Variants in EPHA5 observed in about 807,000 individuals in gnomAD.
EPHA5 encodes the protein EPH receptor A5.
EPHA5 carries 60 observed loss-of-function variants against 105.0 expected under a neutral mutation model. That is an observed-to-expected ratio of 0.57 (90% CI 0.46 to 0.71). The LOEUF (loss-of-function observed/expected upper bound fraction) is 0.71, where lower values mean the gene tolerates loss of function less well. EPHA5 is among the 30% of genes least tolerant of loss of function. The pLI is 0.00. For missense variants in EPHA5, 1,218 were observed against 1,274.7 expected, an observed-to-expected ratio of 0.96 and a Z score of 0.68; for synonymous variants, 513 against 449.1, an observed-to-expected ratio of 1.14 and a Z score of -1.80.
chr4:65,576,974 T>C (rs1416155009), intron 3 of EPHA5, among the ~76,000 whole-genome samples: 8 of 152,206 alleles, frequency 5.3e-5, no homozygotes, highest in African/African-American at 1.9e-4. Context: ...AGAGGAATTT[T>C]ACACTCTATA....
At chr4:65,573,810 A>C in intron 3 of EPHA5, 1 of 1,613,820 alleles carries the variant, frequency 6.2e-7, no homozygotes, top group Non-Finnish European at 8.5e-7. Context: ...ATATTATCCT[A>C]CTGAAGATGT....
chr4:65,438,020 T>C (rs1169241728), intron 5 of EPHA5, among the ~76,000 whole-genome samples: 3 of 151,974 alleles, frequency 2.0e-5, no homozygotes. Flanking sequence ...AAAACAGTAT[T>C]TATCTGCTTA....
chr4:65,636,373 G>C (rs533261912), intron 2 of EPHA5, among the ~76,000 whole-genome samples: 1 of 152,078 alleles, frequency 6.6e-6, no homozygotes, highest in Non-Finnish European at 1.5e-5. Flanking sequence ...GCCAGAACCT[G>C]GTCGTTACTC....
intron 8 of EPHA5, among the ~76,000 whole-genome samples, chr4:65,394,915 C>G (rs1721069788): frequency 6.6e-6 from 1 of 152,042 alleles, no homozygotes; most frequent in Admixed American, 6.6e-5. Flanking sequence ...TTAGCACCTA[C>G]CCTTCATGAA....
intron 8 of EPHA5, among the ~76,000 whole-genome samples, chr4:65,398,143 C>G (rs890142685): frequency 6.6e-6 from 1 of 152,198 alleles, no homozygotes; most frequent in South Asian, 2.1e-4. Context: ...TGAGAAGCCC[C>G]CTGCCCCTGT....
At chr4:65,569,747 G>T (rs1260955748) in intron 3 of EPHA5, among the ~76,000 whole-genome samples, 1 of 151,520 alleles carries the variant, frequency 6.6e-6, no homozygotes, top group East Asian at 1.9e-4. Context: ...TATTTAATAT[G>T]GGCAGAATCT....
intron 8 of EPHA5, among the ~76,000 whole-genome samples, chr4:65,382,027 C>A (rs11724965): frequency 0.089 from 13,545 of 151,752 alleles, 660 homozygotes; most frequent in Middle Eastern, 0.13. Context: ...CTGAGGTGCA[C>A]CTTAAATAAA....
chr4:65,563,157 A>G (rs2149360452), intron 3 of EPHA5, among the ~76,000 whole-genome samples: 1 of 152,012 alleles, frequency 6.6e-6, no homozygotes, highest in Middle Eastern at 3.4e-3. Flanking sequence ...AGCCATACAT[A>G]GTTCTGAGGA....
chr4:65,434,891 A>AT (rs1161577544), intron 5 of EPHA5, among the ~76,000 whole-genome samples: 10 of 152,036 alleles, frequency 6.6e-5, no homozygotes, highest in African/African-American at 1.2e-4. Context: ...CTTTTATGTG[A>AT]TTTTTTCAGC....
At chr4:65,330,360 A>G (rs1191422317) in intron 16 of EPHA5, among the ~76,000 whole-genome samples, 1 of 151,532 alleles carries the variant, frequency 6.6e-6, no homozygotes, top group East Asian at 1.9e-4. Context: ...AAGGAATAAG[A>G]AAAATGTGAA....
chr4:65,664,965 T>C (rs1749842756), intron 1 of EPHA5, among the ~76,000 whole-genome samples: 3 of 152,066 alleles, frequency 2.0e-5, no homozygotes, highest in African/African-American at 7.2e-5. Flanking sequence ...AATCTTTAAG[T>C]AGGTACCCCT....
chr4:65,495,814 T>C (rs1233657282), intron 3 of EPHA5, among the ~76,000 whole-genome samples: 2 of 152,190 alleles, frequency 1.3e-5, no homozygotes, highest in Non-Finnish European at 2.9e-5. Flanking sequence ...ATTATATTGA[T>C]AAAAGGCAAA....
chr4:65,498,151 A>G (rs1159099644), intron 3 of EPHA5, among the ~76,000 whole-genome samples: 4 of 151,978 alleles, frequency 2.6e-5, no homozygotes, highest in South Asian at 4.1e-4. Flanking sequence ...AAAGGACCAC[A>G]TGAGGTGGAG....
chr4:65,600,237 C>T (rs1743585980), intron 3 of EPHA5, among the ~76,000 whole-genome samples: 1 of 152,086 alleles, frequency 6.6e-6, no homozygotes, highest in Non-Finnish European at 1.5e-5. Flanking sequence ...AATATTAGAA[C>T]ATTTCTTTAA....
Position 65,669,666 on chromosome 4 carries a change from G to C in EPHA5, c.77C>G (p.Ala26Gly), listed in dbSNP as rs888131597. 4.4e-6 allele frequency: 6 copies of C among 1,357,652 alleles called. No individual in the cohort carries two copies. Among genetic ancestry groups the C allele is most frequent in the Non-Finnish European group, 4.8e-6 (5 of 1,050,194 alleles). The allele number at this position is 1,357,652 out of a possible 1,614,324, so 84.1% of individuals were successfully genotyped here. ...TGCAGAGTAGCAGCCGGCCAGGGAC[G>C]CTGGGGTGATGGGGGTGTCGCCGCC... Reference protein sequence around the residue: ...SGGGDTPITPASLAGCYSAPR... With the variant: ...SGGGDTPITPGSLAGCYSAPR... The change falls in exon 1 of 17, where the codon GCG becomes GGG. Residue 26 changes from alanine to glycine, a missense_variant. By Grantham distance (60) the Ala-to-Gly change is moderately conservative. This residue lies in a region of EPHA5 where 233 missense variants were observed against 227.5 expected (regional missense o/e 1.02). Transcript: ENST00000613740.
At position 65,489,352 on chromosome 4, in the gene EPHA5, T is replaced by C. The variant is rs1294555619; in HGVS notation, c.1402+1025A>G. Reference sequence around the variant, plus strand: ...AACCTACAAACTTACACTAATATTGTATAAACTAAGCCTGATTTCATTCAG... The same window carrying C: ...AACCTACAAACTTACACTAATATTGCATAAACTAAGCCTGATTTCATTCAG... On this transcript the variant is annotated intron_variant, in intron 5 of 16. Coordinates refer to ENST00000613740, the MANE Select transcript of EPHA5 (RefSeq NM_001281766.3). 3.9e-5 allele frequency among the ~76,000 whole-genome samples: 6 copies of C among 152,214 alleles called. No individual in the cohort carries two copies. In the East Asian group the frequency reaches 9.6e-4, roughly 24 times the overall value.
At chr4:65,358,185 T>C (rs560575516) in intron 11 of EPHA5, among the ~76,000 whole-genome samples, 2 of 151,260 alleles carry the variant, frequency 1.3e-5, no homozygotes, top group Non-Finnish European at 1.5e-5. Flanking sequence ...ATCACAAGAG[T>C]TGCTGCTAAA....
At chr4:65,341,753 T>C (rs9996954) in intron 14 of EPHA5, among the ~76,000 whole-genome samples, 1,631 of 151,984 alleles carry the variant, frequency 0.011, 29 homozygotes, top group African/African-American at 0.037. Flanking sequence ...AATTCAAGCA[T>C]CAGCTGTGTG....
At chr4:65,496,800 G>T (rs78698764) in intron 3 of EPHA5, among the ~76,000 whole-genome samples, 80 of 152,232 alleles carry the variant, frequency 5.3e-4, no homozygotes, top group African/African-American at 1.9e-3. Flanking sequence ...TCCAGTGTTT[G>T]ACCACAAAAG....
Sources: allele counts gnomAD v4.1 joint callset (sites outside exome capture counted in the v4.1 genomes callset), GRCh38; gene constraint gnomAD v4.1.1; regional missense constraint gnomAD v4.1.1; transcripts MANE v1.5; gene names NCBI Gene and HGNC (gene_info 2026-07-23, HGNC 2026-07-21).